Variants in PSMC6 observed in about 807,000 individuals in gnomAD.
PSMC6 encodes proteasome 26S subunit, ATPase 6.
In PSMC6, 3 loss-of-function variants were observed where a neutral mutation model predicts 55.9. That is an observed-to-expected ratio of 0.05 (90% CI 0.02 to 0.14). The LOEUF (loss-of-function observed/expected upper bound fraction) is 0.14, where lower values mean the gene tolerates loss of function less well. Among genes scored for constraint, PSMC6 ranks in the 10% least tolerant of loss-of-function variants. The pLI is 1.00. For missense variants in PSMC6, 210 were observed against 478.7 expected, an observed-to-expected ratio of 0.44 and a Z score of 5.24; for synonymous variants, 137 against 155.9, an observed-to-expected ratio of 0.88 and a Z score of 0.90.
intron 4 of PSMC6, among the ~76,000 whole-genome samples, chr14:52,709,402 G>A (rs2041740444): frequency 6.6e-6 from 1 of 152,054 alleles, no homozygotes; most frequent in Admixed American, 6.5e-5. Context: ...CTGTTTAATT[G>A]TCATTTCAGG....
chr14:52,717,900 T>A (rs904179882), intron 7 of PSMC6, among the ~76,000 whole-genome samples, 181 bp from the exon 8 acceptor site: 4 of 152,002 alleles, frequency 2.6e-5, no homozygotes, highest in Admixed American at 2.6e-4. Context: ...TGATGGCACA[T>A]GCCTGTCATC....
chr14:52,708,706 G>C, intron 3 of PSMC6, 58 bp from the exon 4 acceptor site: 1 of 1,605,366 alleles, frequency 6.2e-7, no homozygotes, highest in Non-Finnish European at 8.5e-7. Flanking sequence ...TGTCAACGTG[G>C]GTATGTATTT....
intron 10 of PSMC6, among the ~76,000 whole-genome samples, chr14:52,719,312 A>G (rs2041864106): frequency 6.6e-6 from 1 of 152,154 alleles, no homozygotes; most frequent in African/African-American, 2.4e-5. Context: ...ATTCTTATGA[A>G]TGTGATCTTG....
At chr14:52,725,285 A>T (rs1880363855) in intron 13 of PSMC6, among the ~76,000 whole-genome samples, 1 of 152,112 alleles carries the variant, frequency 6.6e-6, no homozygotes, top group African/African-American at 2.4e-5. Flanking sequence ...TTTTCCTTAC[A>T]TATTCTTACA....
chr14:52,720,750 AAC>A, intron 10 of PSMC6, 109 bp from the exon 11 acceptor site: 1 of 830,238 alleles, frequency 1.2e-6, no homozygotes, highest in Non-Finnish European at 1.8e-6. Context: ...CTGAAGATAG[AAC>A]ATATCTATCT....
chr14:52,709,469 C>A (rs370032064), intron 4 of PSMC6: 18 of 351,866 alleles, frequency 5.1e-5, no homozygotes, highest in African/African-American at 4.0e-4. Context: ...AATCCAGGAA[C>A]TATAAATCTC....
rs759992296 is a variant in PSMC6, at chr14:52,707,203, A to G, written c.-17A>G. On this transcript the variant is annotated 5_prime_UTR_variant, in exon 1 of 14. Coordinates refer to ENST00000445930, the MANE Select transcript of PSMC6 (RefSeq NM_002806.5). ...ATGGCCATTCCCGGCATCCCCTATG[A>G]GAGACGGCTTCTCATCATGGCGGAC... is the stretch of plus-strand genomic sequence containing the variant. 3.7e-6 allele frequency: 6 copies of G among 1,607,844 alleles called. No homozygotes were observed. Among genetic ancestry groups the G allele is most frequent in the Middle Eastern group, 1.7e-4 (1 of 6,022 alleles).
At chr14:52,710,970 G>A in intron 4 of PSMC6, 131 bp from the exon 5 acceptor site, 1 of 745,874 alleles carries the variant, frequency 1.3e-6, no homozygotes, top group Non-Finnish European at 2.2e-6. Flanking sequence ...TTAGCATAGA[G>A]TTTATAATCT....
chr14:52,726,057 A>G (rs1038351406), intron 13 of PSMC6, among the ~76,000 whole-genome samples: 2 of 152,194 alleles, frequency 1.3e-5, no homozygotes, highest in African/African-American at 4.8e-5. Flanking sequence ...TAACTCCCTC[A>G]TTTTATGTAA....
At chr14:52,711,008 A>T in intron 4 of PSMC6, 93 bp from the exon 5 acceptor site, 1 of 811,300 alleles carries the variant, frequency 1.2e-6, no homozygotes, top group Non-Finnish European at 2.1e-6. Context: ...TGGAGGGTAA[A>T]AATGAGTGTT....
At chr14:52,710,474 T>C (rs1003633701) in intron 4 of PSMC6, 22 of 152,078 alleles carry the variant, frequency 1.4e-4, no homozygotes, top group African/African-American at 5.1e-4. Flanking sequence ...AGTAACAACA[T>C]CCTGAGAGTG....
intron 13 of PSMC6, among the ~76,000 whole-genome samples, chr14:52,725,175 C>T (rs1261606984): frequency 6.6e-6 from 1 of 152,154 alleles, no homozygotes; most frequent in Non-Finnish European, 1.5e-5. Flanking sequence ...AAATGTAAAC[C>T]AGACCAAATT....
chr14:52,714,284 C>T (rs2041806390), intron 7 of PSMC6, among the ~76,000 whole-genome samples: 2 of 152,154 alleles, frequency 1.3e-5, no homozygotes, highest in South Asian at 4.1e-4. Context: ...AAGCGATCTG[C>T]CCACCTTAGC....
chr14:52,710,989 T>G, intron 4 of PSMC6, 112 bp from the exon 5 acceptor site: 1 of 927,982 alleles, frequency 1.1e-6, no homozygotes, highest in Non-Finnish European at 1.7e-6. Flanking sequence ...CTGATATTTG[T>G]GTTCTCTCTG....
At chr14:52,711,213 G>C (rs754943112) in intron 5 of PSMC6, 45 bp downstream of exon 5, 22 of 1,564,554 alleles carry the variant, frequency 1.4e-5, no homozygotes, top group Non-Finnish European at 1.8e-5. Flanking sequence ...TTTCACAAAG[G>C]GTGGTTTTTA....
At chr14:52,708,632 G>T in intron 3 of PSMC6, 110 bp downstream of exon 3, 6 of 1,526,664 alleles carry the variant, frequency 3.9e-6, no homozygotes, top group South Asian at 1.2e-5. Context: ...GAGTATTTTT[G>T]AATAGACTTA....
chr14:52,721,234 G>C (rs368251004), intron 12 of PSMC6, 44 bp downstream of exon 12: 25 of 1,399,162 alleles, frequency 1.8e-5, no homozygotes, highest in Non-Finnish European at 2.4e-5. Flanking sequence ...TTTGGTAAAT[G>C]AAGAAAAATA....
chr14:52,708,702 C>A, intron 3 of PSMC6, 62 bp from the exon 4 acceptor site: 1 of 1,601,998 alleles, frequency 6.2e-7, no homozygotes, highest in Non-Finnish European at 8.5e-7. Context: ...CCTCTGTCAA[C>A]GTGGGTATGT....
At chr14:52,720,782 G>C (rs527276702) in intron 10 of PSMC6, 79 bp from the exon 11 acceptor site, 1 of 1,133,876 alleles carries the variant, frequency 8.8e-7, no homozygotes, top group Admixed American at 2.3e-5. Context: ...ACATTTCATG[G>C]CATTAGACAT....
Sources: allele counts gnomAD v4.1 joint callset (sites outside exome capture counted in the v4.1 genomes callset), GRCh38; gene constraint gnomAD v4.1.1; transcripts MANE v1.5; gene names NCBI Gene and HGNC (gene_info 2026-07-23, HGNC 2026-07-21).